The following CSMD1 variants were observed in gnomAD, a reference collection of about 807,000 sequenced individuals.
CSMD1 encodes the protein CUB and Sushi multiple domains 1.
Under a neutral mutation model 417.5 loss-of-function variants are expected in CSMD1, and 213 were observed. The observed-to-expected ratio is 0.51, with a 90% CI of 0.46 to 0.57. CSMD1 has a LOEUF of 0.57. CSMD1 is among the 20% of genes least tolerant of loss of function. The probability of loss-of-function intolerance (pLI) is 0.00; values close to 1 mark genes in which losing one functional copy is unlikely to be tolerated. For missense variants in CSMD1, 6,923 were observed against 4,529.7 expected (o/e 1.53, Z -15.17); for synonymous variants, 2,862 against 1,736.8 (o/e 1.65, Z -16.11).
intron 2 of CSMD1, among the ~76,000 whole-genome samples, chr8:4,475,347 A>T (rs1281220356): frequency 2.0e-5 from 3 of 152,190 alleles, no homozygotes; most frequent in African/African-American, 7.2e-5. Context: ...CAGAAGCAGT[A>T]TATTAATAAA....
intron 5 of CSMD1, among the ~76,000 whole-genome samples, chr8:3,841,522 G>A (rs1803130965): frequency 6.6e-6 from 1 of 152,018 alleles, no homozygotes; most frequent in Non-Finnish European, 1.5e-5. Context: ...GGGATGTCTA[G>A]GGACTTGTAA....
At chr8:4,583,309 T>G (rs1158342089) in intron 2 of CSMD1, among the ~76,000 whole-genome samples, 1 of 152,198 alleles carries the variant, frequency 6.6e-6, no homozygotes, top group African/African-American at 2.4e-5. Context: ...TGGTGGGGCC[T>G]TGGAGAACCT....
Position 2,961,145 on chromosome 8 carries a change from T to C in CSMD1, c.9698A>G (p.Tyr3233Cys), listed in dbSNP as rs1436773087. Residue 3233 changes from tyrosine to cysteine, a missense_variant, in exon 62 of 70, where the codon TAT becomes TGT. By Grantham distance (194) the Tyr-to-Cys change is radical. Coordinates refer to ENST00000635120, the MANE Select transcript of CSMD1 (RefSeq NM_033225.6). ...HFGIQNSSRG[Y>C]EVGSTVFFRC... ...AGTAAATTCATAATGAACTACCTCA[T>C]AGCCTCTGGAGCTATTCTGTATTCC... is the stretch of plus-strand genomic sequence containing the variant. 6.3e-6 allele frequency: 10 copies of C among 1,575,956 alleles called. No homozygotes were observed. Among genetic ancestry groups the C allele is most frequent in the East Asian group, 4.5e-5 (2 of 44,100 alleles).
At chr8:3,658,464 G>GTATATATATATATATATAT (rs113956125) in intron 7 of CSMD1, among the ~76,000 whole-genome samples, 2 of 144,176 alleles carry the variant, frequency 1.4e-5, no homozygotes, top group Non-Finnish European at 3.0e-5. Context: ...TATATATATT[G>GTATATATATATATATATAT]TGTATATATA....
intron 8 of CSMD1, among the ~76,000 whole-genome samples, chr8:3,601,125 G>C (rs764667123): frequency 2.0e-5 from 3 of 152,128 alleles, no homozygotes; most frequent in East Asian, 1.9e-4. Context: ...ATCACTGCTA[G>C]ATGTAGGTTT....
At chr8:2,956,941 T>G (rs1357073357) in intron 63 of CSMD1, among the ~76,000 whole-genome samples, 1 of 152,144 alleles carries the variant, frequency 6.6e-6, no homozygotes, top group Non-Finnish European at 1.5e-5. Flanking sequence ...GAGTAATGAT[T>G]TAGAGCAGAG....
chr8:3,042,646 T>C lies in CSMD1; in HGVS notation c.7660+9816A>G, dbSNP rs79893075. ...TCCATCATGGAGCAACCGAGCAACC[T>C]TGGGAAAGGTACTCAAGCTCCCATG... On this transcript the variant is annotated intron_variant, in intron 50 of 69. Transcript: ENST00000635120. Among the ~76,000 whole-genome samples the C allele has an allele frequency of 5.3e-5, 8 of 152,234 alleles. No individual in the cohort carries two copies. In the East Asian group the frequency reaches 1.4e-3, roughly 26 times the overall value.
intron 1 of CSMD1, among the ~76,000 whole-genome samples, chr8:4,743,205 G>C (rs7007553): frequency 0.18 from 27,787 of 152,082 alleles, 3,501 homozygotes; most frequent in African/African-American, 0.36. Flanking sequence ...CCAAACTTTT[G>C]ATAGAGGAGG....
At chr8:3,854,561 C>T (rs564786216) in intron 5 of CSMD1, among the ~76,000 whole-genome samples, 1 of 152,036 alleles carries the variant, frequency 6.6e-6, no homozygotes, top group Non-Finnish European at 1.5e-5. Context: ...GCTTACTTAG[C>T]TTTTCTATCT....
At chr8:4,857,636 C>T (rs1801881783) in intron 1 of CSMD1, among the ~76,000 whole-genome samples, 1 of 152,108 alleles carries the variant, frequency 6.6e-6, no homozygotes, top group Non-Finnish European at 1.5e-5. Flanking sequence ...CTACAAACAC[C>T]TCTACGCAAA....
chr8:4,808,127 A>G (rs10086985), intron 1 of CSMD1, among the ~76,000 whole-genome samples: 71,338 of 152,014 alleles, frequency 0.47, 16,993 homozygotes, highest in Middle Eastern at 0.52. Flanking sequence ...GTGCTACACA[A>G]AAGAGGAATC....
intron 21 of CSMD1, among the ~76,000 whole-genome samples, chr8:3,351,381 C>T (rs887871064): frequency 6.6e-6 from 1 of 151,766 alleles, no homozygotes; most frequent in African/African-American, 2.4e-5. Flanking sequence ...GAGGCCGAGG[C>T]AGGCGGATCA....
At chr8:3,555,467 G>A (rs940802086) in intron 10 of CSMD1, among the ~76,000 whole-genome samples, 2 of 152,182 alleles carry the variant, frequency 1.3e-5, no homozygotes, top group Non-Finnish European at 2.9e-5. Context: ...GTCAGAAGGT[G>A]GAGGTGAAGT....
At chr8:4,695,372 C>T (rs904956577) in intron 1 of CSMD1, among the ~76,000 whole-genome samples, 2 of 152,180 alleles carry the variant, frequency 1.3e-5, no homozygotes, top group African/African-American at 2.4e-5. Context: ...CCCCTGTTCA[C>T]ATGTGTTATT....
At chr8:3,962,736 C>A (rs980156534) in intron 5 of CSMD1, among the ~76,000 whole-genome samples, 3 of 152,036 alleles carry the variant, frequency 2.0e-5, no homozygotes, top group Non-Finnish European at 2.9e-5. Context: ...GGGTTGGACT[C>A]AAGGCTGGAC....
At chr8:4,299,054 C>A (rs1343888193) in intron 3 of CSMD1, among the ~76,000 whole-genome samples, 2 of 152,054 alleles carry the variant, frequency 1.3e-5, no homozygotes, top group South Asian at 2.1e-4. Flanking sequence ...AATAAATATT[C>A]TCCTGTTAAT....
chr8:3,495,334 T>G (rs1029952698), intron 10 of CSMD1, among the ~76,000 whole-genome samples: 1 of 152,208 alleles, frequency 6.6e-6, no homozygotes. Flanking sequence ...CCTGACTTGT[T>G]TAAAGTTCTG....
At chr8:2,940,529 G>A (rs1801798531) in intron 69 of CSMD1, among the ~76,000 whole-genome samples, 1 of 152,142 alleles carries the variant, frequency 6.6e-6, no homozygotes, top group South Asian at 2.1e-4. Flanking sequence ...CTCTGGCTCT[G>A]TAATCTGAGA....
chr8:4,660,889 G>C (rs1804551313), intron 1 of CSMD1, among the ~76,000 whole-genome samples: 1 of 152,112 alleles, frequency 6.6e-6, no homozygotes, highest in African/African-American at 2.4e-5. Flanking sequence ...AGCTATTAGG[G>C]AAATGCAAAT....
Sources: allele counts gnomAD v4.1 joint callset (sites outside exome capture counted in the v4.1 genomes callset), GRCh38; gene constraint gnomAD v4.1.1; transcripts MANE v1.5; gene names NCBI Gene and HGNC (gene_info 2026-07-23, HGNC 2026-07-21).